Variants in THOC1 observed in about 807,000 individuals in gnomAD.
The protein encoded by THOC1 is THO complex subunit 1, also known as THO complex 1.
THOC1 carries 29 observed loss-of-function variants against 97.3 expected under a neutral mutation model. The observed-to-expected ratio is 0.30, with a 90% confidence interval of 0.22 to 0.41. The LOEUF is 0.41. THOC1 is among the 10% of genes least tolerant of loss of function. The pLI, the probability that THOC1 is intolerant of heterozygous loss-of-function variation, is 1.00. For synonymous variants in THOC1, 255 were observed against 257.0 expected, an observed-to-expected ratio of 0.99 and a Z score of 0.07; for missense variants, 529 against 761.9, an observed-to-expected ratio of 0.69 and a Z score of 3.60.
chr18:247,047 T>C (rs1912119595), intron 10 of THOC1, among the ~76,000 whole-genome samples: 1 of 152,182 alleles, frequency 6.6e-6, no homozygotes, highest in Non-Finnish European at 1.5e-5. Flanking sequence ...GTGGAAACTC[T>C]TACGCATTTC....
chr18:246,819 A>G (rs530716957), intron 10 of THOC1, among the ~76,000 whole-genome samples: 44 of 151,938 alleles, frequency 2.9e-4, no homozygotes, highest in African/African-American at 1.0e-3. Flanking sequence ...TCGACTAAAA[A>G]TACAAAAATT....
chr18:226,928 C>G, intron 11 of THOC1, 27 bp from the exon 12 acceptor site: 1 of 1,538,416 alleles, frequency 6.5e-7, no homozygotes, highest in Non-Finnish European at 8.9e-7. Flanking sequence ...CAAACACATA[C>G]GAAAACAACA....
At chr18:223,710 A>T (rs1186371317) in intron 16 of THOC1, among the ~76,000 whole-genome samples, 2 of 152,232 alleles carry the variant, frequency 1.3e-5, no homozygotes, top group Admixed American at 6.5e-5. Context: ...ATGACTAATG[A>T]TAATGATATA....
intron 9 of THOC1, among the ~76,000 whole-genome samples, chr18:251,011 TAAC>T (rs772765074): frequency 3.9e-5 from 6 of 152,204 alleles, no homozygotes; most frequent in Non-Finnish European, 8.8e-5. Context: ...AAAAAAATAA[TAAC>T]GATAACAAAT....
chr18:252,240 T>C (rs1301166098), intron 9 of THOC1, among the ~76,000 whole-genome samples: 1 of 152,162 alleles, frequency 6.6e-6, no homozygotes, highest in African/African-American at 2.4e-5. Flanking sequence ...TCCACAAGTT[T>C]AATGGAAGGG....
intron 16 of THOC1, among the ~76,000 whole-genome samples, chr18:223,877 A>G (rs1911177856): frequency 6.6e-6 from 1 of 152,178 alleles, no homozygotes; most frequent in Non-Finnish European, 1.5e-5. Context: ...CTAGAGACAC[A>G]GATTTTGGAA....
At chr18:223,980 C>G (rs1246126843) in intron 16 of THOC1, 104 bp downstream of exon 16, 1 of 868,930 alleles carries the variant, frequency 1.2e-6, no homozygotes, top group Non-Finnish European at 1.8e-6. Context: ...ATGTGTGTAC[C>G]AAACACAATC....
chr18:215,777 T>G (rs959266349), intron 19 of THOC1: 1 of 358,876 alleles, frequency 2.8e-6, no homozygotes, highest in African/African-American at 2.1e-5. Flanking sequence ...GTTCCAGGAT[T>G]TGCAAATACC....
intron 9 of THOC1, among the ~76,000 whole-genome samples, chr18:251,609 G>C (rs1443042666): frequency 2.0e-5 from 3 of 152,162 alleles, no homozygotes; most frequent in African/African-American, 7.2e-5. Context: ...TCTATGTAGA[G>C]TTTGCACATT....
At chr18:267,815 A>T in intron 1 of THOC1, 151 bp downstream of exon 1, 1 of 771,706 alleles carries the variant, frequency 1.3e-6, no homozygotes, top group Non-Finnish European at 2.0e-6. Context: ...GTCTTTCCCT[A>T]CCCCTCAACC....
rs1485963871 is a variant in THOC1, at chr18:264,074, C to T, written c.208G>A (p.Glu70Lys). ...AGAGAAATAATAGCTAAAACGTTTTCACATGATGAATGATTTATCTACCAA... is the reference window on the plus strand; with the variant it reads ...AGAGAAATAATAGCTAAAACGTTTTTACATGATGAATGATTTATCTACCAA... The part of the protein sequence containing the change: ...EEEIINHSSC[E>K]NVLAIISLAI... Residue 70 changes from glutamate to lysine, a missense_variant, in exon 4 of 21, where the codon GAA becomes AAA. Around this residue, in one of 8 missense-constraint regions of THOC1, gnomAD observed 114 missense variants for 97.4 expected, o/e 1.17. Transcript: ENST00000261600. The T allele has an allele frequency of 6.2e-7, 1 of 1,611,604 alleles. No individual in the cohort carries two copies. Among genetic ancestry groups the T allele is most frequent in the Non-Finnish European group, 8.5e-7 (1 of 1,178,470 alleles).
Position 237,580 on chromosome 18 carries a change from A to G in THOC1, c.918+8744T>C, listed in dbSNP as rs180990742. The stretch of plus-strand genomic sequence containing the variant: ...TCAAGCCTAAACACCAAATGTTTTG[A>G]ATATACCCATTTTCTCCCCAGATTA... On this transcript the variant is annotated intron_variant, in intron 11 of 20. Coordinates refer to ENST00000261600, the MANE Select transcript of THOC1 (RefSeq NM_005131.3). 7.0e-4 allele frequency among the ~76,000 whole-genome samples: 106 copies of G among 152,198 alleles called. 2 individuals carry two copies. The highest frequency in any genetic ancestry group is 6.9e-3 in the Admixed American group (106 of 15,278).
intron 12 of THOC1, chr18:226,272 A>G (rs1911282513): frequency 6.5e-6 from 1 of 152,758 alleles, no homozygotes; most frequent in African/African-American, 2.4e-5. Flanking sequence ...AATACCGTTA[A>G]GTAACAGTGG....
intron 11 of THOC1, among the ~76,000 whole-genome samples, chr18:227,645 CCTG>C (rs1424810684): frequency 6.6e-6 from 1 of 151,968 alleles, no homozygotes; most frequent in African/African-American, 2.4e-5. Context: ...GTAAGAATAA[CCTG>C]CGGCGATGAA....
intron 11 of THOC1, among the ~76,000 whole-genome samples, chr18:234,680 C>CCAAT (rs1212828311): frequency 2.0e-5 from 3 of 152,158 alleles, no homozygotes; most frequent in African/African-American, 7.2e-5. Context: ...ATACGCCCAG[C>CCAAT]CAATCGGTTG....
chr18:257,165 T>C (rs1363513872), intron 7 of THOC1, among the ~76,000 whole-genome samples: 3 of 152,330 alleles, frequency 2.0e-5, no homozygotes, highest in Non-Finnish European at 4.4e-5. Context: ...ATTCACTGTA[T>C]TGTGGTGGTC....
intron 16 of THOC1, 28 bp from the exon 17 acceptor site, chr18:223,533 A>G: frequency 1.3e-6 from 2 of 1,523,622 alleles, no homozygotes; most frequent in Non-Finnish European, 8.9e-7. Context: ...AAATAAATAC[A>G]TTTTTTATGG....
At position 264,050 on chromosome 18, in the gene THOC1, G is replaced by A; in HGVS notation, c.232C>T (p.Leu78Phe). The A allele has an allele frequency of 2.5e-6, 4 of 1,612,420 alleles. No homozygotes were observed. The highest frequency in any genetic ancestry group is 3.4e-6 in the Non-Finnish European group (4 of 1,178,976). Reference sequence around the variant, plus strand: ...CCTTCAGTTACTCCCCCAATAGCAAGAGAAATAATAGCTAAAACGTTTTCA... The same window carrying A: ...CCTTCAGTTACTCCCCCAATAGCAAAAGAAATAATAGCTAAAACGTTTTCA... ...SCENVLAIIS[L>F]AIGGVTEGIC... is the part of the protein sequence containing the mutation. The change falls in exon 4 of 21, where the codon CTT becomes TTT. Residue 78 changes from leucine to phenylalanine, a missense_variant. Coordinates refer to ENST00000261600, the MANE Select transcript of THOC1 (RefSeq NM_005131.3).
In THOC1 at chr18:226,830, T is replaced by C. The variant is rs201887465; in HGVS notation, c.990A>G (p.Gln330=). 4.6e-4 allele frequency: 740 copies of C among 1,611,944 alleles called. 4 individuals are homozygous for C. In the East Asian group the frequency reaches 9.9e-3, roughly 22 times the overall value. ...HILLQYLILF[Q]YLKGQVKFKS... ...TGAATTTGACCTGCCCCTTGAGATA[T>C]TGGAATAAAATGAGATACTGCAACA... is the stretch of plus-strand genomic sequence containing the variant. The change falls in exon 12 of 21, where the codon CAA becomes CAG. Residue 330 remains glutamine (Q), a synonymous_variant. Coordinates refer to ENST00000261600, the MANE Select transcript of THOC1 (RefSeq NM_005131.3).
Sources: allele counts gnomAD v4.1 joint callset (sites outside exome capture counted in the v4.1 genomes callset), GRCh38; gene constraint gnomAD v4.1.1; regional missense constraint gnomAD v4.1.1; transcripts MANE v1.5; gene names NCBI Gene and HGNC (gene_info 2026-07-23, HGNC 2026-07-21).